CNTNAP2: variants seen among roughly 807,000 people sequenced by gnomAD.
The protein encoded by CNTNAP2 is contactin associated protein 2, also known as contactin-associated protein-like 2.
A neutral mutation model predicts 155.2 loss-of-function variants in CNTNAP2; 98 were observed. The ratio of observed to expected loss-of-function variants is 0.63; its 90% CI spans 0.54 to 0.75. CNTNAP2 has a LOEUF of 0.75. CNTNAP2 is among the 30% of genes least tolerant of loss of function. CNTNAP2 has a pLI of 0.00. For synonymous variants in CNTNAP2, 651 were observed against 631.2 expected, an observed-to-expected ratio of 1.03 and a Z score of -0.47; for missense variants, 1,727 against 1,688.1, an observed-to-expected ratio of 1.02 and a Z score of -0.40.
intron 3 of CNTNAP2, among the ~76,000 whole-genome samples, chr7:146,951,652 T>C (rs1487176780): frequency 2.0e-5 from 3 of 152,190 alleles, no homozygotes; most frequent in Admixed American, 2.0e-4. Flanking sequence ...CATTGGTCTA[T>C]ATGTCTGTTT....
At chr7:147,479,309 G>T (rs1245086926) in intron 10 of CNTNAP2, among the ~76,000 whole-genome samples, 2 of 152,174 alleles carry the variant, frequency 1.3e-5, no homozygotes, top group African/African-American at 4.8e-5. Context: ...TATGTATATA[G>T]AACTCATTTG....
intron 18 of CNTNAP2, among the ~76,000 whole-genome samples, chr7:148,198,185 C>T (rs1439795495): frequency 1.3e-5 from 2 of 152,172 alleles, no homozygotes; most frequent in Non-Finnish European, 2.9e-5. Flanking sequence ...CTACCCAGAG[C>T]CACCACCCCC....
At chr7:147,615,630 T>C (rs1801275765) in intron 12 of CNTNAP2, among the ~76,000 whole-genome samples, 1 of 152,142 alleles carries the variant, frequency 6.6e-6, no homozygotes, top group Non-Finnish European at 1.5e-5. Flanking sequence ...TACAAATACA[T>C]TGTAATGATT....
chr7:146,152,512 A>T (rs1798067180), intron 1 of CNTNAP2, among the ~76,000 whole-genome samples: 1 of 152,078 alleles, frequency 6.6e-6, no homozygotes, highest in Admixed American at 6.6e-5. Flanking sequence ...GAGGATGGAT[A>T]TAAGGTGTTT....
At chr7:146,780,440 C>T (rs1188340886) in intron 2 of CNTNAP2, among the ~76,000 whole-genome samples, 3 of 152,058 alleles carry the variant, frequency 2.0e-5, no homozygotes, top group Admixed American at 6.6e-5. Flanking sequence ...CCACCCGCCT[C>T]GGCCTCCCAA....
intron 4 of CNTNAP2, among the ~76,000 whole-genome samples, chr7:147,095,115 G>T (rs577131818): frequency 8.2e-4 from 124 of 151,928 alleles, no homozygotes; most frequent in African/African-American, 2.7e-3. Context: ...CGTCTACCGG[G>T]TTCAAGCGAT....
chr7:146,510,293 C>T (rs889273481), intron 1 of CNTNAP2, among the ~76,000 whole-genome samples: 4 of 152,178 alleles, frequency 2.6e-5, no homozygotes, highest in African/African-American at 9.6e-5. Context: ...GGATTGTGTG[C>T]CTGCACTCCA....
chr7:147,088,278 C>T (rs528689552), intron 4 of CNTNAP2, among the ~76,000 whole-genome samples: 4 of 152,056 alleles, frequency 2.6e-5, no homozygotes, highest in African/African-American at 4.8e-5. Flanking sequence ...GGAATAATGA[C>T]CCTTTAATAG....
At chr7:147,255,832 G>A (rs1000293104) in intron 8 of CNTNAP2, among the ~76,000 whole-genome samples, 1 of 152,038 alleles carries the variant, frequency 6.6e-6, no homozygotes, top group Non-Finnish European at 1.5e-5. Flanking sequence ...CTGCTTTCTG[G>A]GTTCAAGGGA....
intron 11 of CNTNAP2, among the ~76,000 whole-genome samples, chr7:147,560,513 T>C (rs1374401755): frequency 6.6e-6 from 1 of 152,154 alleles, no homozygotes; most frequent in African/African-American, 2.4e-5. Context: ...CTTGGGACAT[T>C]GAAAGTGGGC....
chr7:147,744,009 A>G (rs1456247671), intron 13 of CNTNAP2, among the ~76,000 whole-genome samples: 2 of 152,214 alleles, frequency 1.3e-5, no homozygotes, highest in African/African-American at 4.8e-5. Context: ...GAAAAATTAT[A>G]CTAATTAATG....
At chr7:146,499,878 T>C (rs1237966357) in intron 1 of CNTNAP2, among the ~76,000 whole-genome samples, 1 of 152,236 alleles carries the variant, frequency 6.6e-6, no homozygotes, top group Non-Finnish European at 1.5e-5. Flanking sequence ...TTTGGGTCTT[T>C]AAAAATTTCT....
At chr7:148,166,506 C>T (rs531440248) in intron 17 of CNTNAP2, among the ~76,000 whole-genome samples, 2 of 151,220 alleles carry the variant, frequency 1.3e-5, no homozygotes, top group South Asian at 4.2e-4. Flanking sequence ...TTTTATAATT[C>T]CTCTTGATCA....
intron 14 of CNTNAP2, among the ~76,000 whole-genome samples, chr7:147,965,031 G>A (rs1801181262): frequency 6.6e-6 from 1 of 152,102 alleles, no homozygotes; most frequent in Non-Finnish European, 1.5e-5. Flanking sequence ...CCTTTAATAT[G>A]TTGGCCATCC....
Position 146,774,311 on chromosome 7 carries a change from G to A in CNTNAP2, c.138G>A (p.Val46=), listed in dbSNP as rs2129185966. The change falls in exon 2 of 24, where the codon GTG becomes GTA. Residue 46 remains valine, a synonymous_variant. Transcript: ENST00000361727. Reference sequence around the variant, plus strand: ...CACTTGTCTCTGGACTCCCCCATGTGGCTTTCAGCAGCTCCTCCTCCATCT... The same window carrying A: ...CACTTGTCTCTGGACTCCCCCATGTAGCTTTCAGCAGCTCCTCCTCCATCT... ...DEPLVSGLPH[V]AFSSSSSISG... 1 of 1,613,886 alleles carries A rather than the reference G, an allele frequency of 6.2e-7. No individual in the cohort carries two copies. Among genetic ancestry groups the A allele is most frequent in the African/African-American group, 1.3e-5 (1 of 74,994 alleles).
At chr7:147,264,631 G>A (rs1379235816) in intron 8 of CNTNAP2, among the ~76,000 whole-genome samples, 1 of 150,156 alleles carries the variant, frequency 6.7e-6, no homozygotes, top group Admixed American at 6.6e-5. Flanking sequence ...CCGAGGAGAT[G>A]CCTGACGGGG....
intron 13 of CNTNAP2, among the ~76,000 whole-genome samples, chr7:147,772,434 TTC>T (rs201438181): frequency 3.7e-4 from 41 of 109,700 alleles, no homozygotes; most frequent in African/African-American, 1.3e-3. Context: ...ATATATATTA[TTC>T]TCTCTCTCGC....
chr7:146,885,991 C>T (rs1057335198), intron 3 of CNTNAP2, among the ~76,000 whole-genome samples: 6 of 144,664 alleles, frequency 4.1e-5, no homozygotes, highest in Admixed American at 3.5e-4. Flanking sequence ...TTTCCCTTTA[C>T]ATTTTTAAGA....
intron 1 of CNTNAP2, among the ~76,000 whole-genome samples, chr7:146,701,805 C>G (rs1439298566): frequency 6.6e-6 from 1 of 152,030 alleles, no homozygotes; most frequent in African/African-American, 2.4e-5. Context: ...AATATTCTTA[C>G]CAAGAAGTCT....
Sources: gnomAD v4.1 joint callset for allele counts (sites outside exome capture counted in the v4.1 genomes callset) on GRCh38, gnomAD v4.1.1 for gene constraint, MANE v1.5 for transcripts, NCBI Gene and HGNC (gene_info 2026-07-23, HGNC 2026-07-21) for gene names.